ADCY8: variants seen among roughly 807,000 people sequenced by gnomAD.
ADCY8 encodes adenylate cyclase 8, also known as adenylate cyclase type 8.
In ADCY8, 51 loss-of-function variants were observed where a neutral mutation model predicts 119.7. The observed-to-expected ratio is 0.43, with a 90% CI of 0.34 to 0.54. The LOEUF is 0.54. Ranked by LOEUF, ADCY8 falls within the 20% of genes least tolerant of loss-of-function variation. The pLI, the probability that ADCY8 is intolerant of heterozygous loss-of-function variation, is 0.03. For missense variants in ADCY8, 1,383 were observed against 1,598.8 expected, an observed-to-expected ratio of 0.87 and a Z score of 2.30; for synonymous variants, 665 against 651.0, an observed-to-expected ratio of 1.02 and a Z score of -0.33.
intron 12 of ADCY8, among the ~76,000 whole-genome samples, chr8:130,823,673 C>T (rs263262): frequency 0.84 from 128,180 of 152,110 alleles, 54,331 homozygotes; most frequent in African/African-American, 0.93. Flanking sequence ...TATTTGAGTG[C>T]TATTCATTAC....
At chr8:131,017,778 C>G (rs546540359) in intron 1 of ADCY8, among the ~76,000 whole-genome samples, 1 of 151,972 alleles carries the variant, frequency 6.6e-6, no homozygotes, top group East Asian at 2.0e-4. Context: ...TCCTTTTCCC[C>G]CTCAGAGTTT....
chr8:131,040,038 C>T lies in ADCY8; in HGVS notation c.296G>A (p.Arg99Gln), dbSNP rs372280558. ...TTTGGTGCCGCAGGTGCTGTGCGCT[C>T]GCTCTCCCGGGCCCAGCGAGTAGAG... ...LPLYSLGPGERAHSTCGTKVF... is the reference protein window; with the variant it reads ...LPLYSLGPGEQAHSTCGTKVF... The change falls in exon 1 of 18, where the codon CGA becomes CAA. Residue 99 changes from arginine (R) to glutamine (Q), a missense_variant. Arg to Gln is a conservative substitution (Grantham distance 43, BLOSUM62 1). This residue lies in a region of ADCY8 where 455 missense variants were observed against 435.3 expected (regional missense o/e 1.05). Coordinates refer to ENST00000286355, the MANE Select transcript of ADCY8 (RefSeq NM_001115.3). 109 of 1,549,442 alleles carry T rather than the reference C, an allele frequency of 7.0e-5. No homozygotes were observed. Among genetic ancestry groups the T allele is most frequent in the Non-Finnish European group, 8.8e-5 (101 of 1,151,574 alleles).
At chr8:130,830,729 C>A (rs1477808858) in intron 12 of ADCY8, among the ~76,000 whole-genome samples, 1 of 152,202 alleles carries the variant, frequency 6.6e-6, no homozygotes, top group Non-Finnish European at 1.5e-5. Context: ...GAGGGAGACT[C>A]CCTCCCAGCA....
intron 5 of ADCY8, among the ~76,000 whole-genome samples, chr8:130,910,502 C>T (rs999090517): frequency 6.6e-6 from 1 of 152,164 alleles, no homozygotes; most frequent in African/African-American, 2.4e-5. Context: ...TTTCCAGCTG[C>T]TCCTTCTAAA....
At chr8:130,997,565 G>GA (rs1321303017) in intron 1 of ADCY8, among the ~76,000 whole-genome samples, 2 of 151,938 alleles carry the variant, frequency 1.3e-5, no homozygotes, top group African/African-American at 2.4e-5. Flanking sequence ...GAACCAATGA[G>GA]AAAAAAACAA....
chr8:130,848,385 C>G (rs936434912), intron 10 of ADCY8, among the ~76,000 whole-genome samples: 1 of 152,188 alleles, frequency 6.6e-6, no homozygotes, highest in Admixed American at 6.5e-5. Context: ...ATCAATTGAT[C>G]CCATGTACTT....
At chr8:131,004,483 CT>C (rs113344714) in intron 1 of ADCY8, among the ~76,000 whole-genome samples, 147 of 152,300 alleles carry the variant, frequency 9.7e-4, no homozygotes, top group African/African-American at 3.4e-3. Flanking sequence ...TCACTCTTTT[CT>C]TTTTTGATCT....
At chr8:130,815,899 T>TA (rs1816323805) in intron 13 of ADCY8, among the ~76,000 whole-genome samples, 1 of 152,218 alleles carries the variant, frequency 6.6e-6, no homozygotes, top group African/African-American at 2.4e-5. Flanking sequence ...TACACATTGG[T>TA]TCCCTCTTGT....
chr8:130,948,455 C>T (rs1043765662), intron 3 of ADCY8, among the ~76,000 whole-genome samples: 5 of 151,856 alleles, frequency 3.3e-5, no homozygotes, highest in Non-Finnish European at 4.4e-5. Flanking sequence ...AAACGGAGGC[C>T]CACAGGGATG....
rs1292587568 is a variant in ADCY8, at chr8:130,881,836, A to C, written c.2109+2728T>G. On this transcript the variant is annotated intron_variant, in intron 8 of 17. Transcript: ENST00000286355. Reference sequence around the variant, plus strand: ...ATCAACCCAGGATCATTTTAAATTAAATTCTCTGATAATTTTTTTTTTTTT... The same window carrying C: ...ATCAACCCAGGATCATTTTAAATTACATTCTCTGATAATTTTTTTTTTTTT... Among the ~76,000 whole-genome samples the C allele has an allele frequency of 5.4e-5, 8 of 147,584 alleles. No homozygotes were observed. In the East Asian group the frequency reaches 1.7e-3, roughly 31 times the overall value.
chr8:130,939,586 T>C (rs1038829195), intron 4 of ADCY8, among the ~76,000 whole-genome samples: 10 of 152,152 alleles, frequency 6.6e-5, no homozygotes, highest in South Asian at 2.1e-4. Context: ...TAACAAAAAT[T>C]ACTTTGGTCT....
rs184433464 is a variant in ADCY8 at position 130,800,584 on chromosome 8, C to T, written c.2914-12G>A. On this transcript the variant is annotated splice_polypyrimidine_tract_variant and intron_variant, in intron 14 of 17. Coordinates refer to ENST00000286355, the MANE Select transcript of ADCY8 (RefSeq NM_001115.3). ...TGAGAATACAGCTCCTGGACAGAGA[C>T]ACACAGAGGGCACCAGAAATGGTCA... 115 of 1,613,506 alleles carry T rather than the reference C, an allele frequency of 7.1e-5. 1 individual carries two copies. In the East Asian group the frequency reaches 2.5e-3, roughly 35 times the overall value.
At chr8:130,936,641 C>T (rs918166126) in intron 5 of ADCY8, among the ~76,000 whole-genome samples, 1 of 152,178 alleles carries the variant, frequency 6.6e-6, no homozygotes, top group African/African-American at 2.4e-5. Flanking sequence ...AAGCCTTCCC[C>T]AACATCCTAC....
chr8:131,015,925 A>G (rs1042439560), intron 1 of ADCY8, among the ~76,000 whole-genome samples: 5 of 152,148 alleles, frequency 3.3e-5, no homozygotes, highest in Admixed American at 1.3e-4. Flanking sequence ...GTGTCTACCT[A>G]AGAATGACAG....
chr8:130,826,185 CTATGT>C, intron 12 of ADCY8, among the ~76,000 whole-genome samples: 1 of 152,036 alleles, frequency 6.6e-6, no homozygotes. Flanking sequence ...CTGAATCTTC[CTATGT>C]TTGAAAAGAG....
rs527430954 is a variant in ADCY8 at position 131,039,659 on chromosome 8, C to T, written c.675G>A (p.Val225=). The T allele has an allele frequency of 1.4e-5, 22 of 1,614,154 alleles. No homozygotes were observed. The South Asian group carries it at 2.3e-4, about 17-fold the overall frequency. The change falls in exon 1 of 18, where the codon GTG becomes GTA. Residue 225 remains valine (V), a synonymous_variant. Transcript: ENST00000286355. Reference sequence around the variant, plus strand: ...TCCTGACCACCACCAGGGCGCAGATCACTACCTCAATGCCGGTGAAGAAGC... The same window carrying T: ...TCCTGACCACCACCAGGGCGCAGATTACTACCTCAATGCCGGTGAAGAAGC... The part of the protein sequence containing the change: ...LLGFFTGIEV[V]ICALVVVRKD...
intron 12 of ADCY8, among the ~76,000 whole-genome samples, chr8:130,825,404 T>C (rs1196796507): frequency 6.6e-6 from 1 of 152,228 alleles, no homozygotes; most frequent in African/African-American, 2.4e-5. Flanking sequence ...GGTAGCAAGA[T>C]CTGCATCACT....
intron 1 of ADCY8, among the ~76,000 whole-genome samples, chr8:130,999,852 A>T (rs1174306257): frequency 2.0e-5 from 3 of 152,202 alleles, no homozygotes; most frequent in Non-Finnish European, 4.4e-5. Flanking sequence ...TAAAGGAACG[A>T]TGTGTTGCAA....
chr8:130,849,470 G>A lies in ADCY8; in HGVS notation c.2412+132C>T, dbSNP rs557254460. On this transcript the variant is annotated intron_variant, in intron 10 of 17. Coordinates refer to ENST00000286355, the MANE Select transcript of ADCY8 (RefSeq NM_001115.3). ...CCACATCTTTGTTATCTGTCCCTAA[G>A]CTTGGGGCTGGACCAGGCACATAAA... is the stretch of plus-strand genomic sequence containing the variant. 4.5e-5 allele frequency: 41 copies of A among 902,246 alleles called. 1 individual carries two copies. In the South Asian group the frequency reaches 6.7e-4, roughly 15 times the overall value. The allele number at this position is 902,246 out of a possible 1,614,324, so 55.9% of individuals were successfully genotyped here. A position where few individuals can be genotyped will look rare whatever the true frequency, so the allele number is the denominator to read the frequency against.
Sources: allele counts gnomAD v4.1 joint callset (sites outside exome capture counted in the v4.1 genomes callset), GRCh38; gene constraint gnomAD v4.1.1; regional missense constraint gnomAD v4.1.1; transcripts MANE v1.5; gene names NCBI Gene and HGNC (gene_info 2026-07-23, HGNC 2026-07-21).